PLCH1: variants seen among roughly 807,000 people sequenced by gnomAD.
PLCH1 encodes the protein 1-phosphatidylinositol 4,5-bisphosphate phosphodiesterase eta-1.
In PLCH1, 60 loss-of-function variants were observed where a neutral mutation model predicts 126.7. The observed-to-expected ratio is 0.47, with a 90% CI of 0.38 to 0.59. The LOEUF is 0.59. Ranked by LOEUF, PLCH1 falls within the 20% of genes least tolerant of loss-of-function variation. The pLI, the probability that PLCH1 is intolerant of heterozygous loss-of-function variation, is 0.00. For synonymous variants in PLCH1, 719 were observed against 734.9 expected (o/e 0.98, Z 0.35); for missense variants, 1,723 against 2,040.0 (o/e 0.84, Z 2.99).
At chr3:155,598,607 A>G (rs1364557342) in intron 2 of PLCH1, among the ~76,000 whole-genome samples, 1 of 152,226 alleles carries the variant, frequency 6.6e-6, no homozygotes, top group Non-Finnish European at 1.5e-5. Context: ...TATACAGGAT[A>G]CTTATTAATG....
At chr3:155,574,418 G>C (rs1170943978) in intron 6 of PLCH1, among the ~76,000 whole-genome samples, 1 of 152,116 alleles carries the variant, frequency 6.6e-6, no homozygotes, top group Non-Finnish European at 1.5e-5. Flanking sequence ...GCTTCCCCTG[G>C]GCAAATGGAG....
intron 2 of PLCH1, among the ~76,000 whole-genome samples, chr3:155,684,457 C>T (rs559644161): frequency 6.6e-6 from 1 of 152,254 alleles, no homozygotes; most frequent in African/African-American, 2.4e-5. Context: ...CTCTGTACAA[C>T]CAGAGACTCT....
intron 21 of PLCH1, among the ~76,000 whole-genome samples, chr3:155,468,755 CA>C (rs1184282089): frequency 2.0e-5 from 3 of 151,990 alleles, no homozygotes; most frequent in Non-Finnish European, 4.4e-5. Context: ...AACAAAGGAG[CA>C]CCCAGATATA....
chr3:155,597,876 C>T (rs1007729798), intron 2 of PLCH1, among the ~76,000 whole-genome samples: 1 of 152,056 alleles, frequency 6.6e-6, no homozygotes. Context: ...TATCAAATTC[C>T]CAAATAATAA....
chr3:155,622,462 C>G (rs1450245815), intron 2 of PLCH1, among the ~76,000 whole-genome samples: 3 of 152,106 alleles, frequency 2.0e-5, no homozygotes, highest in Non-Finnish European at 4.4e-5. Context: ...AAGACACAGA[C>G]TGGCAAATTG....
At chr3:155,499,901 T>C (rs576320999) in intron 14 of PLCH1, among the ~76,000 whole-genome samples, 10 of 152,334 alleles carry the variant, frequency 6.6e-5, no homozygotes, top group African/African-American at 2.4e-4. Context: ...TATGTATACA[T>C]ATTCTGTTGG....
Position 155,482,020 on chromosome 3 carries a change from C to A in PLCH1, c.4006G>T (p.Val1336Leu). ...AAACAGAGAGTGGGATCAGCTATTA[C>A]ATCCTCCAGGGTCAAATCAGGGGAA... ...ASSPDLTLEDVIADPTLCFNS... is the reference protein window; with the variant it reads ...ASSPDLTLEDLIADPTLCFNS... Residue 1336 changes from valine to leucine, a missense_variant, in exon 23 of 23, where the codon GTA (valine) becomes TTA (leucine). Physicochemically the swap from Val to Leu is conservative, Grantham distance 32. This residue lies in a region of PLCH1 where 947 missense variants were observed against 977.1 expected (regional missense o/e 0.97). Transcript: ENST00000460012. 2 of 1,614,152 alleles carry A rather than the reference C, an allele frequency of 1.2e-6. No homozygotes were observed. Among genetic ancestry groups the A allele is most frequent in the South Asian group, 2.2e-5 (2 of 91,084 alleles).
chr3:155,616,745 C>T (rs1395615951), intron 2 of PLCH1, among the ~76,000 whole-genome samples: 1 of 152,128 alleles, frequency 6.6e-6, no homozygotes, highest in East Asian at 1.9e-4. Flanking sequence ...ATTTGGAAAG[C>T]TGTCTCCTCT....
chr3:155,537,383 T>C (rs1723579353), intron 10 of PLCH1, among the ~76,000 whole-genome samples: 1 of 151,806 alleles, frequency 6.6e-6, no homozygotes, highest in Admixed American at 6.6e-5. Context: ...ATGAATCTAA[T>C]AGTACCTTAT....
chr3:155,711,648 T>A (rs1264878022), intron 1 of PLCH1, among the ~76,000 whole-genome samples: 1 of 152,156 alleles, frequency 6.6e-6, no homozygotes, highest in Non-Finnish European at 1.5e-5. Flanking sequence ...CTTCTCCCAC[T>A]CTCTGTTCAA....
At chr3:155,736,805 A>G (rs1457964484) in intron 1 of PLCH1, among the ~76,000 whole-genome samples, 1 of 152,210 alleles carries the variant, frequency 6.6e-6, no homozygotes, top group African/African-American at 2.4e-5. Context: ...TCTACCAGTT[A>G]GGAGCTAAGA....
At chr3:155,633,658 C>A (rs6808257) in intron 2 of PLCH1, among the ~76,000 whole-genome samples, 1 of 152,028 alleles carries the variant, frequency 6.6e-6, no homozygotes, top group Non-Finnish European at 1.5e-5. Flanking sequence ...CGCTGGCCCA[C>A]GCCTATAATG....
At chr3:155,461,827 C>G (rs143059758) in intron 21 of PLCH1, among the ~76,000 whole-genome samples, 1 of 152,288 alleles carries the variant, frequency 6.6e-6, no homozygotes, top group African/African-American at 2.4e-5. Flanking sequence ...CAGCCAGCCC[C>G]CTCCTTTGGT....
At chr3:155,627,309 T>C (rs1045345108) in intron 2 of PLCH1, among the ~76,000 whole-genome samples, 11 of 152,196 alleles carry the variant, frequency 7.2e-5, no homozygotes, top group African/African-American at 2.4e-4. Context: ...AGCTGTTCAC[T>C]GCCACCCTGT....
intron 2 of PLCH1, chr3:155,675,944 A>G (rs1744040519): frequency 4.4e-6 from 4 of 906,336 alleles, no homozygotes; most frequent in Non-Finnish European, 6.8e-6. Flanking sequence ...AATGTTTACC[A>G]TCTTTTACTA....
At chr3:155,475,371 A>G (rs996002665), downstream of PLCH1, among the ~76,000 whole-genome samples, 7 of 152,038 alleles carry the variant, frequency 4.6e-5, no homozygotes, top group African/African-American at 1.7e-4. Flanking sequence ...TAAAAAGAGG[A>G]AAAACTTCAA....
At chr3:155,537,215 A>AAC (rs1723530731) in intron 10 of PLCH1, among the ~76,000 whole-genome samples, 2 of 9,168 alleles carry the variant, frequency 2.2e-4, no homozygotes, top group Non-Finnish European at 2.8e-3. Context: ...AAAAAAAAAA[A>AAC]AAAAAAAAAA....
chr3:155,684,489 T>C (rs112580608), intron 2 of PLCH1, among the ~76,000 whole-genome samples: 6,288 of 152,036 alleles, frequency 0.041, 391 homozygotes, highest in African/African-American at 0.13. Context: ...GAAACGGGTC[T>C]CCAAGGGAGC....
chr3:155,555,610 T>G (rs1471974328), intron 8 of PLCH1, among the ~76,000 whole-genome samples: 1 of 152,250 alleles, frequency 6.6e-6, no homozygotes, highest in East Asian at 1.9e-4. Context: ...TGCTAGCTCC[T>G]GTCTGACAAT....
Sources: gnomAD v4.1 joint callset for allele counts (sites outside exome capture counted in the v4.1 genomes callset) on GRCh38, gnomAD v4.1.1 for gene constraint, gnomAD v4.1.1 regional missense constraint, MANE v1.5 for transcripts, NCBI Gene and HGNC (gene_info 2026-07-23, HGNC 2026-07-21) for gene names.